RTF1: variants seen among roughly 807,000 people sequenced by gnomAD.
RTF1 encodes the protein RNA polymerase-associated protein RTF1 homolog.
A neutral mutation model predicts 95.7 loss-of-function variants in RTF1; 10 were observed. The ratio of observed to expected loss-of-function variants is 0.10; its 90% CI spans 0.06 to 0.18. The LOEUF (loss-of-function observed/expected upper bound fraction) is 0.18, where lower values mean the gene tolerates loss of function less well. RTF1 is among the 10% of genes least tolerant of loss of function. The pLI is 1.00. For missense variants in RTF1, 458 were observed against 875.6 expected (o/e 0.52, Z 6.02); for synonymous variants, 305 against 311.8 (o/e 0.98, Z 0.23).
rs111778131 is a variant in RTF1 at position 41,435,325 on chromosome 15, TAGAA to T, written c.199-2993_199-2990del. Among the ~76,000 whole-genome samples the T allele has an allele frequency of 5.6e-3, 855 of 151,946 alleles. 6 individuals are homozygous for T. The highest frequency in any genetic ancestry group is 0.027 in the South Asian group (131 of 4,814). ...GTGTTAGTATATTAGAAAAGTATAT[TAGAA>T]AGGATAAAATATATATAAATTATAC... On this transcript the variant is annotated intron_variant, in intron 1 of 17. Coordinates refer to ENST00000389629, the MANE Select transcript of RTF1 (RefSeq NM_015138.5).
intron 5 of RTF1, among the ~76,000 whole-genome samples, chr15:41,465,640 T>TAA (rs556532607): frequency 1.4e-5 from 2 of 146,316 alleles, no homozygotes; most frequent in South Asian, 2.2e-4. Context: ...GGCTCTGTTT[T>TAA]AAAAAAAAAA....
At chr15:41,465,557 C>T (rs540537672) in intron 5 of RTF1, among the ~76,000 whole-genome samples, 1 of 152,012 alleles carries the variant, frequency 6.6e-6, no homozygotes, top group Non-Finnish European at 1.5e-5. Context: ...ACAAGAATTG[C>T]TTGAACCTCA....
At chr15:41,470,154 G>A (rs1014637930) in intron 6 of RTF1, 103 bp from the exon 7 acceptor site, 19 of 1,204,662 alleles carry the variant, frequency 1.6e-5, no homozygotes, top group Middle Eastern at 2.6e-4. Flanking sequence ...TAGAGAGGAC[G>A]GAGCTGTGTA....
chr15:41,461,984 G>A (rs915932090), intron 4 of RTF1, among the ~76,000 whole-genome samples: 1 of 150,280 alleles, frequency 6.7e-6, no homozygotes, highest in Non-Finnish European at 1.5e-5. Context: ...TGAACTCCTG[G>A]CCTCAAGCAA....
chr15:41,459,318 A>G (rs1028529140), intron 4 of RTF1, among the ~76,000 whole-genome samples: 1 of 150,506 alleles, frequency 6.6e-6, no homozygotes, highest in East Asian at 2.0e-4. Flanking sequence ...AGAGTTTGCA[A>G]TGAGCTGAGA....
At chr15:41,429,579 A>T (rs2050658262) in intron 1 of RTF1, among the ~76,000 whole-genome samples, 1 of 152,112 alleles carries the variant, frequency 6.6e-6, no homozygotes, top group Admixed American at 6.6e-5. Flanking sequence ...TATAAAGCTC[A>T]GAAAGATATG....
chr15:41,451,516 C>G (rs1225646576), intron 2 of RTF1, among the ~76,000 whole-genome samples: 4 of 152,096 alleles, frequency 2.6e-5, no homozygotes, highest in Non-Finnish European at 1.5e-5. Context: ...ATTACAGGTT[C>G]CTTATGTCTT....
At chr15:41,464,096 C>T (rs1259970302) in intron 4 of RTF1, among the ~76,000 whole-genome samples, 1 of 150,174 alleles carries the variant, frequency 6.7e-6, no homozygotes, top group African/African-American at 2.5e-5. Flanking sequence ...GTGATCCGTC[C>T]ACCTTGGTTT....
intron 1 of RTF1, among the ~76,000 whole-genome samples, chr15:41,430,438 C>T (rs2050663642): frequency 6.6e-6 from 1 of 151,846 alleles, no homozygotes; most frequent in African/African-American, 2.4e-5. Flanking sequence ...TATGAGCCCT[C>T]AATAAGAATG....
chr15:41,436,279 G>T (rs987494974), intron 1 of RTF1, among the ~76,000 whole-genome samples: 13 of 137,490 alleles, frequency 9.5e-5, no homozygotes, highest in African/African-American at 3.6e-4. Context: ...GTGAAATCCC[G>T]TCTCTACTAA....
At chr15:41,471,843 C>A (rs2050913158) in intron 8 of RTF1, among the ~76,000 whole-genome samples, 1 of 152,094 alleles carries the variant, frequency 6.6e-6, no homozygotes, top group Admixed American at 6.6e-5. Flanking sequence ...GTAATCCCAA[C>A]ACTTTGGGAT....
intron 1 of RTF1, among the ~76,000 whole-genome samples, chr15:41,421,772 A>C (rs1158273011): frequency 1.3e-5 from 2 of 151,072 alleles, no homozygotes; most frequent in Non-Finnish European, 2.9e-5. Flanking sequence ...GCAGTGGCAC[A>C]ATTACAGCTC....
chr15:41,474,784 GT>G (rs2050934245), intron 9 of RTF1, 82 bp downstream of exon 9: 1 of 990,374 alleles, frequency 1.0e-6, no homozygotes, highest in East Asian at 2.4e-5. Context: ...TCTGTGTGAT[GT>G]TCCTTGTTAC....
chr15:41,449,944 C>T (rs1428261933), intron 2 of RTF1, among the ~76,000 whole-genome samples: 1 of 151,900 alleles, frequency 6.6e-6, no homozygotes, highest in Non-Finnish European at 1.5e-5. Context: ...TGCTTGTAAT[C>T]CCAGAATTTG....
intron 11 of RTF1, 77 bp downstream of exon 11, chr15:41,475,896 C>A: frequency 1.4e-6 from 1 of 715,942 alleles, no homozygotes; most frequent in South Asian, 1.9e-5. Context: ...CTTTTATTTC[C>A]CTATATCTTG....
intron 1 of RTF1, among the ~76,000 whole-genome samples, chr15:41,424,097 C>T (rs1241301191): frequency 2.0e-5 from 3 of 152,130 alleles, no homozygotes; most frequent in Non-Finnish European, 4.4e-5. Context: ...GCGTTAGACA[C>T]TAGAGCTATT....
At chr15:41,434,404 A>G (rs543898199) in intron 1 of RTF1, among the ~76,000 whole-genome samples, 2 of 152,278 alleles carry the variant, frequency 1.3e-5, no homozygotes, top group African/African-American at 4.8e-5. Context: ...ATGAATCTCA[A>G]ATGCACTGTG....
intron 2 of RTF1, among the ~76,000 whole-genome samples, chr15:41,447,724 G>T (rs147330676): frequency 5.9e-5 from 9 of 152,310 alleles, no homozygotes; most frequent in Non-Finnish European, 8.8e-5. Flanking sequence ...TTTTTGAGCA[G>T]TGGTCATTGG....
At chr15:41,426,667 C>A (rs1420963167) in intron 1 of RTF1, among the ~76,000 whole-genome samples, 3 of 82,254 alleles carry the variant, frequency 3.6e-5, no homozygotes, top group Non-Finnish European at 7.3e-5. Context: ...TCTCGAACTC[C>A]TGACCTCAGG....
Sources: gnomAD v4.1 joint callset for allele counts (sites outside exome capture counted in the v4.1 genomes callset) on GRCh38, gnomAD v4.1.1 for gene constraint, MANE v1.5 for transcripts, NCBI Gene and HGNC (gene_info 2026-07-23, HGNC 2026-07-21) for gene names.